Variants in PAX5 observed in about 807,000 individuals in gnomAD.
PAX5 encodes the protein paired box protein Pax-5.
A neutral mutation model predicts 43.7 loss-of-function variants in PAX5; 9 were observed. The ratio of observed to expected loss-of-function variants is 0.21; its 90% CI spans 0.12 to 0.36. PAX5 has a LOEUF of 0.36. PAX5 is among the 10% of genes least tolerant of loss of function. PAX5 has a pLI of 1.00. For missense variants in PAX5, 383 were observed against 532.7 expected, an observed-to-expected ratio of 0.72 and a Z score of 2.77; for synonymous variants, 228 against 214.3, an observed-to-expected ratio of 1.06 and a Z score of -0.56.
intron 6 of PAX5, among the ~76,000 whole-genome samples, chr9:36,952,374 G>A (rs927241345): frequency 6.6e-6 from 1 of 150,926 alleles, no homozygotes; most frequent in African/African-American, 2.4e-5. Context: ...CAAGTAGCTG[G>A]GATTACAGGC....
chr9:36,874,100 C>A (rs1825717167), intron 8 of PAX5, among the ~76,000 whole-genome samples: 1 of 152,154 alleles, frequency 6.6e-6, no homozygotes, highest in East Asian at 1.9e-4. Context: ...CAAAAGAAAC[C>A]TTCTCCTCCC....
intron 1 of PAX5, among the ~76,000 whole-genome samples, chr9:37,025,198 A>T (rs1020341056): frequency 1.3e-4 from 20 of 152,158 alleles, no homozygotes; most frequent in African/African-American, 4.3e-4. Flanking sequence ...GCTTTGGTGG[A>T]TTACTTCAGA....
At chr9:36,873,678 C>G (rs1349602289) in intron 8 of PAX5, among the ~76,000 whole-genome samples, 1 of 152,228 alleles carries the variant, frequency 6.6e-6, no homozygotes, top group Non-Finnish European at 1.5e-5. Flanking sequence ...ATGCTTAGGT[C>G]ACGGAGGTGC....
At position 36,836,847 on chromosome 9, in the gene PAX5, T is replaced by C. The variant is rs568164324; in HGVS notation, c.*3713A>G. On this transcript the variant is annotated 3_prime_UTR_variant, in exon 10 of 10. Coordinates refer to ENST00000358127, the MANE Select transcript of PAX5 (RefSeq NM_016734.3). The stretch of plus-strand genomic sequence containing the variant: ...ACCCCTGGAGTCAGGGCTGGACCCA[T>C]GTCCAGGCCTGGTCAGGGATTATGG... 2 of 232,058 alleles carry C rather than the reference T, an allele frequency of 8.6e-6. No individual in the cohort carries two copies. Among genetic ancestry groups the C allele is most frequent in the Admixed American group, 1.1e-4 (2 of 17,756 alleles). The allele number at this position is 232,058 out of a possible 1,614,324, so 14.4% of individuals were successfully genotyped here.
At position 36,833,871 on chromosome 9, in the gene PAX5, A is replaced by ATT. The variant is rs11378713; in HGVS notation, c.*6687_*6688dup. 3,888 of 216,786 alleles carry ATT rather than the reference A, an allele frequency of 0.018. 20 individuals carry two copies. The highest frequency in any genetic ancestry group is 0.023 in the Non-Finnish European group (2,584 of 110,466). 13.4% of individuals were successfully genotyped at this position (216,786 alleles called of 1,614,324 possible). A position where few individuals can be genotyped will look rare whatever the true frequency, so the allele number is the denominator to read the frequency against. Reference sequence around the variant, plus strand: ...TGTTGGTTTTTTTGTATTTTTTTGTATTTTTTTTTTTTTACAAGTAAGCGT... The same window carrying ATT: ...TGTTGGTTTTTTTGTATTTTTTTGTATTTTTTTTTTTTTTTACAAGTAAGCGT... On this transcript the variant is annotated 3_prime_UTR_variant, in exon 10 of 10. Transcript: ENST00000358127.
chr9:36,993,937 G>A (rs1837153876), intron 5 of PAX5, among the ~76,000 whole-genome samples: 1 of 152,216 alleles, frequency 6.6e-6, no homozygotes, highest in Non-Finnish European at 1.5e-5. Flanking sequence ...AGGAACTGGG[G>A]GTAAGAGGAG....
At chr9:36,970,570 C>G (rs1834849874) in intron 5 of PAX5, among the ~76,000 whole-genome samples, 1 of 152,188 alleles carries the variant, frequency 6.6e-6, no homozygotes, top group Admixed American at 6.5e-5. Context: ...TTTCTAAACT[C>G]TGCTCCCAAG....
intron 3 of PAX5, among the ~76,000 whole-genome samples, chr9:37,008,490 C>T (rs1838653625): frequency 6.6e-6 from 1 of 152,224 alleles, no homozygotes; most frequent in Admixed American, 6.5e-5. Flanking sequence ...TGAAGAATGA[C>T]AGAAGTAGCA....
intron 6 of PAX5, among the ~76,000 whole-genome samples, chr9:36,935,379 T>C (rs998162151): frequency 9.6e-6 from 1 of 104,330 alleles, no homozygotes; most frequent in African/African-American, 3.6e-5. Flanking sequence ...AAACTCCATC[T>C]CCGAAGCAAA....
chr9:37,016,684 A>T (rs1259031190), intron 2 of PAX5, among the ~76,000 whole-genome samples: 1 of 152,226 alleles, frequency 6.6e-6, no homozygotes, highest in African/African-American at 2.4e-5. Context: ...AATCTGTTTT[A>T]AAAAACCAAA....
At chr9:36,853,314 T>C (rs867899566) in intron 8 of PAX5, among the ~76,000 whole-genome samples, 2 of 152,314 alleles carry the variant, frequency 1.3e-5, no homozygotes, top group Middle Eastern at 3.4e-3. Flanking sequence ...TGCATAGATC[T>C]GTGTGACCCA....
intron 1 of PAX5, chr9:37,026,450 G>T: frequency 8.7e-7 from 1 of 1,151,368 alleles, no homozygotes; most frequent in Non-Finnish European, 1.2e-6. Context: ...GATCCTTCCG[G>T]CCTTAGTACC....
At chr9:37,024,398 T>A (rs1017728870) in intron 1 of PAX5, among the ~76,000 whole-genome samples, 1 of 151,832 alleles carries the variant, frequency 6.6e-6, no homozygotes, top group Non-Finnish European at 1.5e-5. Context: ...CAGGGAGCGG[T>A]AACAGGAAGA....
intron 5 of PAX5, among the ~76,000 whole-genome samples, chr9:36,983,249 A>T (rs1039201551): frequency 6.6e-6 from 1 of 152,198 alleles, no homozygotes; most frequent in Non-Finnish European, 1.5e-5. Flanking sequence ...TTTTATCAGG[A>T]CATGTTCATA....
chr9:36,910,286 T>A (rs1234449907), intron 7 of PAX5, among the ~76,000 whole-genome samples: 1 of 152,216 alleles, frequency 6.6e-6, no homozygotes, highest in Non-Finnish European at 1.5e-5. Flanking sequence ...GTCCCTTTTT[T>A]ACGCAAAGGC....
chr9:36,994,809 T>C (rs1320068928), intron 5 of PAX5, among the ~76,000 whole-genome samples: 1 of 152,140 alleles, frequency 6.6e-6, no homozygotes, highest in Non-Finnish European at 1.5e-5. Flanking sequence ...CATCCATACA[T>C]GAAATTTCCT....
chr9:36,936,527 C>T (rs1425014807), intron 6 of PAX5, among the ~76,000 whole-genome samples: 3 of 152,230 alleles, frequency 2.0e-5, no homozygotes, highest in Non-Finnish European at 4.4e-5. Context: ...GTGCAGGACT[C>T]TTGGCCACAA....
chr9:36,850,514 C>T (rs1368789237), intron 8 of PAX5, among the ~76,000 whole-genome samples: 3 of 152,320 alleles, frequency 2.0e-5, no homozygotes, highest in Middle Eastern at 3.4e-3. Context: ...AGACAAAGTT[C>T]CCACAATGAA....
intron 6 of PAX5, among the ~76,000 whole-genome samples, chr9:36,956,082 ATTGGATAGCCTTG>A (rs1243720095): frequency 1.3e-5 from 2 of 152,164 alleles, no homozygotes; most frequent in Non-Finnish European, 2.9e-5. Flanking sequence ...AATTGCAAAT[ATTGGATAGCCTTG>A]TTTGAGGGGA....
Sources: allele counts gnomAD v4.1 joint callset (sites outside exome capture counted in the v4.1 genomes callset), GRCh38; gene constraint gnomAD v4.1.1; transcripts MANE v1.5; gene names NCBI Gene and HGNC (gene_info 2026-07-23, HGNC 2026-07-21).